Variants in LRRC28 observed in about 807,000 individuals in gnomAD.
The protein encoded by LRRC28 is leucine-rich repeat-containing protein 28.
Under a neutral mutation model 45.7 loss-of-function variants are expected in LRRC28, and 39 were observed. The observed-to-expected ratio is 0.85, with a 90% CI of 0.66 to 1.12. The LOEUF (loss-of-function observed/expected upper bound fraction) is 1.12. LRRC28 is among the 50% of genes most tolerant of loss of function. The pLI, the probability that LRRC28 is intolerant of heterozygous loss-of-function variation, is 0.00. For missense variants in LRRC28, 435 were observed against 438.5 expected, an observed-to-expected ratio of 0.99 and a Z score of 0.07; for synonymous variants, 206 against 178.8, an observed-to-expected ratio of 1.15 and a Z score of -1.22.
intron 3 of LRRC28, among the ~76,000 whole-genome samples, chr15:99,286,519 T>C (rs1270563578): frequency 6.6e-6 from 1 of 152,224 alleles, no homozygotes; most frequent in Non-Finnish European, 1.5e-5. Context: ...TGATATAAAT[T>C]TATTTTCTTA....
At chr15:99,336,823 C>G (rs1956339854) in intron 6 of LRRC28, among the ~76,000 whole-genome samples, 1 of 152,222 alleles carries the variant, frequency 6.6e-6, no homozygotes, top group Non-Finnish European at 1.5e-5. Flanking sequence ...CTCCTGGTTC[C>G]TTAATTTGGA....
At chr15:99,361,296 C>T (rs761922240) in intron 7 of LRRC28, 40 bp from the exon 8 acceptor site, 1 of 1,565,512 alleles carries the variant, frequency 6.4e-7, no homozygotes, top group Non-Finnish European at 8.6e-7. Context: ...TATTCTTTTC[C>T]TTATTGCTAA....
At chr15:99,365,831 C>T (rs558981672) in intron 9 of LRRC28, among the ~76,000 whole-genome samples, 26 of 152,098 alleles carry the variant, frequency 1.7e-4, no homozygotes, top group Non-Finnish European at 3.2e-4. Flanking sequence ...CAGTATTTTG[C>T]ATAAACAGTA....
chr15:99,333,923 A>T lies in LRRC28; in HGVS notation c.386A>T (p.Glu129Val). The change falls in exon 6 of 10, where the codon GAG becomes GTG. Residue 129 changes from glutamate (E) to valine (V), a missense_variant and splice_region_variant. Transcript: ENST00000301981. ...ANNQLQFLPP[E>V]VGDLKELQTL... ...ATCCTAATTTTGATTTTGGTTGTAG[A>T]GGTTGGCGATTTGAAGGAGCTGCAG... 1 of 1,613,942 alleles carries T rather than the reference A, an allele frequency of 6.2e-7. No homozygotes were observed. Among genetic ancestry groups the T allele is most frequent in the Non-Finnish European group, 8.5e-7 (1 of 1,179,888 alleles).
chr15:99,268,546 C>T (rs2152144370), intron 2 of LRRC28, among the ~76,000 whole-genome samples: 1 of 152,296 alleles, frequency 6.6e-6, no homozygotes, highest in Non-Finnish European at 1.5e-5. Context: ...AATGAGGCAC[C>T]TGTGTACTGG....
chr15:99,363,411 C>T (rs1957261001), intron 9 of LRRC28, 146 bp downstream of exon 9: 1 of 810,960 alleles, frequency 1.2e-6, no homozygotes, highest in Admixed American at 3.1e-5. Context: ...TGAAACGATG[C>T]TCACTTTCAA....
intron 9 of LRRC28, among the ~76,000 whole-genome samples, chr15:99,377,412 G>C (rs1007474114): frequency 6.6e-6 from 1 of 152,142 alleles, no homozygotes; most frequent in African/African-American, 2.4e-5. Flanking sequence ...TTGTAAATTT[G>C]TTTGAGTTCT....
intron 3 of LRRC28, among the ~76,000 whole-genome samples, chr15:99,283,642 C>T (rs147304262): frequency 0.012 from 1,784 of 144,032 alleles, 57 homozygotes; most frequent in Admixed American, 0.064. Context: ...AAAAGGAATT[C>T]CATGGTACAT....
chr15:99,329,536 G>T (rs1259565893), intron 5 of LRRC28, among the ~76,000 whole-genome samples: 1 of 152,122 alleles, frequency 6.6e-6, no homozygotes, highest in African/African-American at 2.4e-5. Context: ...AATTTATTGT[G>T]TGCATTTTTA....
chr15:99,280,961 T>C (rs2152189203), intron 3 of LRRC28, among the ~76,000 whole-genome samples: 1 of 152,246 alleles, frequency 6.6e-6, no homozygotes, highest in East Asian at 1.9e-4. Context: ...AAGTCAGTAA[T>C]ATTTTCTTCT....
chr15:99,306,191 G>A (rs1955175661), intron 5 of LRRC28, among the ~76,000 whole-genome samples: 1 of 152,152 alleles, frequency 6.6e-6, no homozygotes, highest in African/African-American at 2.4e-5. Context: ...CTTTGCTGTT[G>A]TCCCAGACAT....
chr15:99,315,112 A>T (rs549826196), intron 5 of LRRC28, among the ~76,000 whole-genome samples: 18 of 152,296 alleles, frequency 1.2e-4, no homozygotes, highest in Admixed American at 1.1e-3. Context: ...GGATGAAAAA[A>T]AATTTTTACC....
chr15:99,361,216 A>T (rs1831831944), intron 7 of LRRC28, 120 bp from the exon 8 acceptor site: 2 of 1,225,448 alleles, frequency 1.6e-6, no homozygotes, highest in Non-Finnish European at 2.2e-6. Context: ...TTTGAAAAGA[A>T]TTCTGGCAAT....
At chr15:99,319,384 A>G (rs372512468) in intron 5 of LRRC28, among the ~76,000 whole-genome samples, 11 of 152,320 alleles carry the variant, frequency 7.2e-5, no homozygotes, top group African/African-American at 2.6e-4. Context: ...TCCAAATAGA[A>G]ATCCATGTAC....
intron 5 of LRRC28, among the ~76,000 whole-genome samples, chr15:99,316,673 G>A (rs1448658091): frequency 2.0e-5 from 3 of 149,928 alleles, no homozygotes; most frequent in Non-Finnish European, 4.4e-5. Context: ...GAGAATTATT[G>A]TGCAAAGAGA....
intron 5 of LRRC28, among the ~76,000 whole-genome samples, chr15:99,309,311 A>T (rs2152261302): frequency 6.6e-6 from 1 of 152,314 alleles, no homozygotes; most frequent in South Asian, 2.1e-4. Context: ...CTGTGATCTG[A>T]CTTTCCACTC....
intron 9 of LRRC28, among the ~76,000 whole-genome samples, chr15:99,368,394 A>T (rs1366101175): frequency 6.6e-6 from 1 of 152,182 alleles, no homozygotes. Context: ...CACAGGTCTC[A>T]AGTCTAAAAT....
At chr15:99,345,114 A>G (rs1956637723) in intron 6 of LRRC28, among the ~76,000 whole-genome samples, 1 of 152,282 alleles carries the variant, frequency 6.6e-6, no homozygotes, top group African/African-American at 2.4e-5. Context: ...AAACCTGAGG[A>G]CAGCTTTATT....
At chr15:99,252,967 G>T (rs573989557) in intron 1 of LRRC28, among the ~76,000 whole-genome samples, 1 of 152,166 alleles carries the variant, frequency 6.6e-6, no homozygotes, top group African/African-American at 2.4e-5. Context: ...AATAAGTTTC[G>T]GAAGGGTTTA....
Sources: gnomAD v4.1 joint callset for allele counts (sites outside exome capture counted in the v4.1 genomes callset) on GRCh38, gnomAD v4.1.1 for gene constraint, MANE v1.5 for transcripts, NCBI Gene and HGNC (gene_info 2026-07-23, HGNC 2026-07-21) for gene names.